The following TRHDE variants were observed in gnomAD, a reference collection of about 807,000 sequenced individuals.
TRHDE encodes thyrotropin-releasing hormone-degrading ectoenzyme.
TRHDE carries 72 observed loss-of-function variants against 125.7 expected under a neutral mutation model. The observed-to-expected ratio is 0.57, with a 90% CI of 0.47 to 0.70. TRHDE has a LOEUF of 0.70. Among genes scored for constraint, TRHDE ranks in the 30% least tolerant of loss-of-function variants. The probability of loss-of-function intolerance (pLI) is 0.00; values close to 1 mark genes in which losing one functional copy is unlikely to be tolerated. For synonymous variants in TRHDE, 509 were observed against 509.1 expected, an observed-to-expected ratio of 1.00 and a Z score of 0.00; for missense variants, 1,110 against 1,327.1, an observed-to-expected ratio of 0.84 and a Z score of 2.54.
intron 2 of TRHDE, among the ~76,000 whole-genome samples, chr12:72,355,854 C>T (rs954724055): frequency 5.9e-5 from 9 of 151,700 alleles, no homozygotes; most frequent in African/African-American, 2.2e-4. Flanking sequence ...TATTGAGAAA[C>T]CATCTCACAC....
intron 5 of TRHDE, among the ~76,000 whole-genome samples, chr12:72,491,785 C>A (rs1483836037): frequency 6.6e-5 from 10 of 151,930 alleles, no homozygotes; most frequent in Admixed American, 2.0e-4. Flanking sequence ...CTGATTAAGG[C>A]ATCTTAGAGA....
At chr12:72,314,953 A>C (rs1387721709) in intron 2 of TRHDE, among the ~76,000 whole-genome samples, 1 of 152,202 alleles carries the variant, frequency 6.6e-6, no homozygotes, top group Non-Finnish European at 1.5e-5. Flanking sequence ...AACCACAAAT[A>C]CCTTTTAATA....
At chr12:72,430,306 T>TATGTATATATACATATATACATATATAC (rs1565738153) in intron 3 of TRHDE, among the ~76,000 whole-genome samples, 149 of 144,682 alleles carry the variant, frequency 1.0e-3, no homozygotes, top group East Asian at 1.6e-3. Context: ...TATGTATATA[T>TATGTATATATACATATATACATATATAC]ATGTATATAT....
Position 72,364,056 on chromosome 12 carries a change from A to C in TRHDE, c.1189-13939A>C, listed in dbSNP as rs894906693. ...AGAGAATAAAATAGCTAGGAAGCCAACTTACAAGGGACGTGAAGGACCTCT... is the reference window on the plus strand; with the variant it reads ...AGAGAATAAAATAGCTAGGAAGCCACCTTACAAGGGACGTGAAGGACCTCT... On this transcript the variant is annotated intron_variant, in intron 2 of 18. Transcript: ENST00000261180. Among the ~76,000 whole-genome samples, 4 of 152,114 alleles carry C rather than the reference A, an allele frequency of 2.6e-5. No homozygotes were observed. In the East Asian group the frequency reaches 7.7e-4, roughly 29 times the overall value.
chr12:72,117,565 TTTG>T (rs1875475906), intron 2 of TRHDE, among the ~76,000 whole-genome samples: 2 of 152,164 alleles, frequency 1.3e-5, no homozygotes, highest in African/African-American at 2.4e-5. Context: ...TTCTGGGTCT[TTTG>T]TTGTTCTGTA....
chr12:72,153,074 T>C (rs1004144268), intron 2 of TRHDE, among the ~76,000 whole-genome samples: 2 of 152,282 alleles, frequency 1.3e-5, no homozygotes, highest in South Asian at 4.1e-4. Flanking sequence ...CAATTTCAGC[T>C]CCTGTTATTG....
rs1043678304 is a variant in TRHDE at position 72,665,506 on chromosome 12, T to G, written c.*2311T>G. The G allele has an allele frequency of 1.3e-5, 2 of 152,520 alleles. No homozygotes were observed. Among genetic ancestry groups the G allele is most frequent in the Admixed American group, 1.3e-4 (2 of 15,242 alleles). The allele number at this position is 152,520 out of a possible 1,614,324, so 9.4% of individuals were successfully genotyped here. A position where few individuals can be genotyped will look rare whatever the true frequency, so the allele number is the denominator to read the frequency against. On this transcript the variant is annotated 3_prime_UTR_variant, in exon 19 of 19. Coordinates refer to ENST00000261180, the MANE Select transcript of TRHDE (RefSeq NM_013381.3). ...ATATTTTTCAATAATTTATTCTTTC[T>G]AATGTTGAAATTATATCAGGCTTTA...
intron 2 of TRHDE, among the ~76,000 whole-genome samples, chr12:72,161,018 G>C (rs1236312411): frequency 6.6e-6 from 1 of 152,010 alleles, no homozygotes; most frequent in African/African-American, 2.4e-5. Context: ...ATTATTTTTG[G>C]TTCCTCTCAC....
chr12:72,238,514 G>A (rs1878409040), intron 2 of TRHDE, among the ~76,000 whole-genome samples: 1 of 150,500 alleles, frequency 6.6e-6, no homozygotes, highest in Non-Finnish European at 1.5e-5. Context: ...CCTACATTAG[G>A]TATTTCTCCT....
chr12:72,560,071 A>T (rs1270456816), intron 7 of TRHDE, among the ~76,000 whole-genome samples: 1 of 152,214 alleles, frequency 6.6e-6, no homozygotes, highest in African/African-American at 2.4e-5. Flanking sequence ...ATAATTCTGC[A>T]GAATTTTCTT....
At chr12:72,518,821 G>T (rs1201231399) in intron 6 of TRHDE, among the ~76,000 whole-genome samples, 1 of 152,144 alleles carries the variant, frequency 6.6e-6, no homozygotes, top group Non-Finnish European at 1.5e-5. Context: ...TCCTTCAGGA[G>T]CTCTTTTAGG....
At chr12:72,277,456 G>T (rs1165052168) in intron 1 of TRHDE, among the ~76,000 whole-genome samples, 2 of 152,176 alleles carry the variant, frequency 1.3e-5, no homozygotes, top group Non-Finnish European at 2.9e-5. Context: ...CTTAACATGA[G>T]CAAGTAGGAG....
intron 3 of TRHDE, among the ~76,000 whole-genome samples, chr12:72,466,132 T>C (rs1565752781): frequency 6.6e-6 from 1 of 152,166 alleles, no homozygotes; most frequent in Non-Finnish European, 1.5e-5. Flanking sequence ...CCTGATATCT[T>C]TATCACCGGC....
intron 2 of TRHDE, among the ~76,000 whole-genome samples, chr12:72,155,997 AT>A (rs1334641810): frequency 6.6e-6 from 1 of 152,174 alleles, no homozygotes; most frequent in African/African-American, 2.4e-5. Context: ...CCAGAGGTGG[AT>A]TCTACAGAGG....
intron 1 of TRHDE, among the ~76,000 whole-genome samples, chr12:72,098,752 A>C (rs980516805): frequency 1.3e-5 from 2 of 152,212 alleles, no homozygotes; most frequent in Admixed American, 6.5e-5. Context: ...CAACTGCCAG[A>C]CATGTGAGTG....
chr12:72,365,507 C>A (rs1230638277), intron 2 of TRHDE, among the ~76,000 whole-genome samples: 1 of 152,016 alleles, frequency 6.6e-6, no homozygotes, highest in African/African-American at 2.4e-5. Flanking sequence ...GTGAGTTTAA[C>A]TTTTTAAAAT....
At chr12:72,319,583 C>T (rs935171716) in intron 2 of TRHDE, among the ~76,000 whole-genome samples, 1 of 152,148 alleles carries the variant, frequency 6.6e-6, no homozygotes, top group Non-Finnish European at 1.5e-5. Context: ...CTATCTTTCT[C>T]TATCATCTAT....
chr12:72,548,296 T>C (rs1487831436), intron 7 of TRHDE, among the ~76,000 whole-genome samples: 1 of 151,806 alleles, frequency 6.6e-6, no homozygotes, highest in Non-Finnish European at 1.5e-5. Context: ...CCTTCTCCTA[T>C]AAATAAATAT....
intron 2 of TRHDE, among the ~76,000 whole-genome samples, chr12:72,213,907 T>C (rs1253024577): frequency 1.3e-5 from 2 of 152,122 alleles, no homozygotes; most frequent in Non-Finnish European, 2.9e-5. Flanking sequence ...TTAACTTCCA[T>C]ATGCATATTT....
Sources: gnomAD v4.1 joint callset for allele counts (sites outside exome capture counted in the v4.1 genomes callset) on GRCh38, gnomAD v4.1.1 for gene constraint, MANE v1.5 for transcripts, NCBI Gene and HGNC (gene_info 2026-07-23, HGNC 2026-07-21) for gene names.